Variants in RORA observed in about 807,000 individuals in gnomAD.
RORA encodes the protein RAR related orphan receptor A.
RORA carries 7 observed loss-of-function variants against 69.5 expected under a neutral mutation model. The observed-to-expected ratio is 0.10, with a 90% CI of 0.06 to 0.19. The LOEUF is 0.19. Ranked by LOEUF, RORA falls within the 10% of genes least tolerant of loss-of-function variation. The pLI is 1.00. For synonymous variants in RORA, 261 were observed against 240.8 expected, an observed-to-expected ratio of 1.08 and a Z score of -0.78; for missense variants, 457 against 663.0, an observed-to-expected ratio of 0.69 and a Z score of 3.41.
chr15:60,884,730 G>C (rs2140451413), intron 1 of RORA, among the ~76,000 whole-genome samples: 1 of 152,290 alleles, frequency 6.6e-6, no homozygotes, highest in Non-Finnish European at 1.5e-5. Context: ...ATTCTCTCTT[G>C]CCTTCTTCAT....
At position 60,506,018 on chromosome 15, in the gene RORA, T is replaced by A. The variant is rs1379125813; in HGVS notation, c.821-389A>T. Among the ~76,000 whole-genome samples the A allele has an allele frequency of 2.0e-5, 3 of 152,246 alleles. No homozygotes were observed. In the East Asian group the frequency reaches 5.8e-4, roughly 29 times the overall value. Reference sequence around the variant, plus strand: ...CATAACATTGACCTGGGAAGGATTATTCTTATTCTTGAAAAACTAGAAAAT... The same window carrying A: ...CATAACATTGACCTGGGAAGGATTAATCTTATTCTTGAAAAACTAGAAAAT... On this transcript the variant is annotated intron_variant, in intron 5 of 10. Coordinates refer to ENST00000335670, the MANE Select transcript of RORA (RefSeq NM_134261.3).
At chr15:60,884,842 C>A (rs573145157) in intron 1 of RORA, among the ~76,000 whole-genome samples, 2 of 152,198 alleles carry the variant, frequency 1.3e-5, no homozygotes, top group South Asian at 2.1e-4. Flanking sequence ...CAAAAGAGCA[C>A]GGGAGTCATG....
chr15:60,832,036 C>A (rs341392), intron 1 of RORA, among the ~76,000 whole-genome samples: 98,941 of 152,124 alleles, frequency 0.65, 33,638 homozygotes, highest in Non-Finnish European at 0.77. Context: ...CCTGCTAACT[C>A]TTCTCTCGAC....
rs562105428 is a variant in RORA, at chr15:60,965,852, C to T, written c.166+263201G>A. Among the ~76,000 whole-genome samples, 6 of 152,280 alleles carry T rather than the reference C, an allele frequency of 3.9e-5. No homozygotes were observed. In the East Asian group the frequency reaches 5.8e-4, roughly 15 times the overall value. Reference sequence around the variant, plus strand: ...CTGTCTCACACTTATGACCCTACTACGAACCCTCCCCAATCAGGCCAGTCC... The same window carrying T: ...CTGTCTCACACTTATGACCCTACTATGAACCCTCCCCAATCAGGCCAGTCC... On this transcript the variant is annotated intron_variant, in intron 1 of 10. Coordinates refer to ENST00000335670, the MANE Select transcript of RORA (RefSeq NM_134261.3).
intron 1 of RORA, among the ~76,000 whole-genome samples, chr15:61,143,083 C>T (rs1290790670): frequency 6.6e-6 from 1 of 151,850 alleles, no homozygotes. Context: ...ATATATGTAC[C>T]TAGAACGCCA....
intron 1 of RORA, among the ~76,000 whole-genome samples, chr15:61,024,121 T>A (rs1477745136): frequency 6.6e-6 from 1 of 152,004 alleles, no homozygotes; most frequent in East Asian, 1.9e-4. Flanking sequence ...GAGGTAGTAA[T>A]TCAGTCTGCT....
chr15:60,814,472 A>G (rs1408706278), intron 1 of RORA, among the ~76,000 whole-genome samples: 1 of 152,146 alleles, frequency 6.6e-6, no homozygotes, highest in Non-Finnish European at 1.5e-5. Flanking sequence ...TCCTAATATG[A>G]GTTAAATATT....
In RORA at chr15:60,503,623, T is replaced by C. The variant is rs141640548; in HGVS notation, c.987A>G (p.Glu329=). 6.7e-4 allele frequency: 1,074 copies of C among 1,614,114 alleles called. 5 individuals carry two copies. In the African/African-American group the frequency reaches 0.013, roughly 19 times the overall value. The stretch of plus-strand genomic sequence containing the variant: ...CAAACTCCACCACATACTGTATAGC[T>C]TCTGTAATTTTGATGGCACACAATT... ...MWQLCAIKIT[E]AIQYVVEFAK... Residue 329 remains glutamate (E), a synonymous_variant, in exon 7 of 11, where the codon GAA becomes GAG. Coordinates refer to ENST00000335670, the MANE Select transcript of RORA (RefSeq NM_134261.3).
chr15:60,664,601 A>C (rs1392967500), intron 2 of RORA, among the ~76,000 whole-genome samples: 1 of 152,230 alleles, frequency 6.6e-6, no homozygotes, highest in African/African-American at 2.4e-5. Flanking sequence ...GTAAGATTTA[A>C]ATTTCCTAAG....
chr15:61,211,060 A>G (rs1350842463), intron 1 of RORA, among the ~76,000 whole-genome samples: 2 of 152,190 alleles, frequency 1.3e-5, no homozygotes, highest in Non-Finnish European at 2.9e-5. Context: ...CCAAGGAGGC[A>G]CTTGGCCTGG....
chr15:61,229,215 C>A lies in RORA; in HGVS notation c.4G>T (p.Glu2Ter). 1 of 1,438,714 alleles carries A rather than the reference C, an allele frequency of 7.0e-7. No homozygotes were observed. The highest frequency in any genetic ancestry group is 3.1e-5 in the East Asian group (1 of 32,496). 89.1% of individuals were successfully genotyped at this position (1,438,714 alleles called of 1,614,324 possible). Residue 2 changes from glutamate (E) to a stop codon, truncating the protein, a stop_gained, in exon 1 of 11, where the codon GAG becomes TAG. Coordinates refer to ENST00000335670, the MANE Select transcript of RORA (RefSeq NM_134261.3). LOFTEE classifies it high-confidence loss of function. M[E>*]SAPAAPDPAA... ...GGGTCGGGGGCTGCCGGAGCTGACTCCATGTTTTTTCCCAATGTAGAGATC... is the reference window on the plus strand; with the variant it reads ...GGGTCGGGGGCTGCCGGAGCTGACTACATGTTTTTTCCCAATGTAGAGATC...
At chr15:60,618,084 T>C (rs2069304485) in intron 2 of RORA, among the ~76,000 whole-genome samples, 1 of 152,246 alleles carries the variant, frequency 6.6e-6, no homozygotes, top group Non-Finnish European at 1.5e-5. Context: ...GATAAGGTGT[T>C]AAACAGATGT....
chr15:60,634,413 T>G (rs1567135475), intron 2 of RORA, among the ~76,000 whole-genome samples: 1 of 146,026 alleles, frequency 6.8e-6, no homozygotes, highest in African/African-American at 2.7e-5. Context: ...TTTTTTTTTT[T>G]TCTTTTTTTT....
rs139750311 is a variant in RORA, at chr15:60,509,984, A to T, written c.820+1242T>A. On this transcript the variant is annotated intron_variant, in intron 5 of 10. Transcript: ENST00000335670. ...AGATGCTTGTGTAAAAACCGTAAAG[A>T]ACATTCAATTTGTTCTATTTGGAGA... Among the ~76,000 whole-genome samples, 781 of 152,326 alleles carry T rather than the reference A, an allele frequency of 5.1e-3. 7 individuals carry two copies. Among genetic ancestry groups the T allele is most frequent in the African/African-American group, 0.018 (755 of 41,570 alleles).
chr15:61,218,679 C>CACACAT (rs1463276056), intron 1 of RORA, among the ~76,000 whole-genome samples: 1 of 133,032 alleles, frequency 7.5e-6, no homozygotes, highest in Non-Finnish European at 1.5e-5. Context: ...ATAACTCACA[C>CACACAT]ACACACACAC....
chr15:60,546,185 G>A (rs918163218), intron 2 of RORA: 2 of 152,148 alleles, frequency 1.3e-5, no homozygotes, highest in Non-Finnish European at 2.9e-5. Context: ...GAGCAAGAAG[G>A]GATTATGTAA....
At chr15:61,218,759 C>T (rs1055757716) in intron 1 of RORA, among the ~76,000 whole-genome samples, 1 of 151,548 alleles carries the variant, frequency 6.6e-6, no homozygotes, top group African/African-American at 2.4e-5. Flanking sequence ...GCTATGAAAG[C>T]TGTTACTTTT....
At chr15:60,653,985 G>T (rs2070185071) in intron 2 of RORA, among the ~76,000 whole-genome samples, 1 of 152,130 alleles carries the variant, frequency 6.6e-6, no homozygotes, top group Admixed American at 6.5e-5. Context: ...TCTATCAGGA[G>T]ACCCTGACCT....
intron 1 of RORA, among the ~76,000 whole-genome samples, chr15:61,119,172 T>C (rs931677528): frequency 2.0e-5 from 3 of 151,214 alleles, no homozygotes; most frequent in South Asian, 2.1e-4. Flanking sequence ...TTCCCAGAGA[T>C]ATTTTCAGGG....
Sources: gnomAD v4.1 joint callset for allele counts (sites outside exome capture counted in the v4.1 genomes callset) on GRCh38, gnomAD v4.1.1 for gene constraint, MANE v1.5 for transcripts, NCBI Gene and HGNC (gene_info 2026-07-23, HGNC 2026-07-21) for gene names.